The following XPOT variants were observed in gnomAD, a reference collection of about 807,000 sequenced individuals.
The protein encoded by XPOT is exportin for tRNA.
In XPOT, 34 loss-of-function variants were observed where a neutral mutation model predicts 128.2. That is an observed-to-expected ratio of 0.27 (90% CI 0.20 to 0.35). The LOEUF (loss-of-function observed/expected upper bound fraction) is 0.35, where lower values mean the gene tolerates loss of function less well. Among genes scored for constraint, XPOT ranks in the 10% least tolerant of loss-of-function variants. The pLI is 1.00. For missense variants in XPOT, 838 were observed against 1,125.3 expected (o/e 0.74, Z 3.65); for synonymous variants, 348 against 394.3 (o/e 0.88, Z 1.39).
At chr12:64,432,707 T>C (rs1330938488) in intron 18 of XPOT, among the ~76,000 whole-genome samples, 1 of 152,224 alleles carries the variant, frequency 6.6e-6, no homozygotes, top group Non-Finnish European at 1.5e-5. Flanking sequence ...ACTCAGGAGT[T>C]CATTTGTAAG....
intron 23 of XPOT, among the ~76,000 whole-genome samples, chr12:64,442,042 ACTCTTTCC>A (rs1026846347): frequency 6.7e-6 from 1 of 150,276 alleles, no homozygotes; most frequent in African/African-American, 2.5e-5. Flanking sequence ...AGTTTTATAT[ACTCTTTCC>A]CCTGTGTCAT....
intron 1 of XPOT, among the ~76,000 whole-genome samples, chr12:64,407,792 G>T (rs1381020824): frequency 1.3e-5 from 2 of 152,182 alleles, no homozygotes; most frequent in Non-Finnish European, 2.9e-5. Flanking sequence ...AAAGTGTTTG[G>T]ATCGTAATCT....
At chr12:64,429,274 G>A (rs2040217530) in intron 16 of XPOT, among the ~76,000 whole-genome samples, 1 of 152,048 alleles carries the variant, frequency 6.6e-6, no homozygotes, top group African/African-American at 2.4e-5. Flanking sequence ...TGTTCTCTCA[G>A]AGCCCCTGGT....
intron 17 of XPOT, 45 bp downstream of exon 17, chr12:64,430,332 C>CAGTGT (rs2040228809): frequency 7.1e-7 from 1 of 1,405,442 alleles, no homozygotes; most frequent in Non-Finnish European, 9.6e-7. Flanking sequence ...TGTATCTACA[C>CAGTGT]AGACAGAACC....
chr12:64,412,977 C>T (rs576117564), intron 2 of XPOT, among the ~76,000 whole-genome samples: 1 of 152,270 alleles, frequency 6.6e-6, no homozygotes, highest in South Asian at 2.1e-4. Flanking sequence ...TCTAGGAACA[C>T]CACCCTCTCA....
intron 21 of XPOT, 46 bp downstream of exon 21, chr12:64,434,955 C>T (rs755221384): frequency 6.8e-7 from 1 of 1,480,738 alleles, no homozygotes; most frequent in Admixed American, 1.9e-5. Flanking sequence ...CTCATATATT[C>T]CCAATTTCTT....
chr12:64,439,249 A>G lies in XPOT; in HGVS notation c.2739A>G (p.Pro913=). Reference sequence around the variant, plus strand: ...AAGTATCTTTTAATCTTCAGGGCCCAGAATGTGTTCAGTATCTTCAACAAG... The same window carrying G: ...AAGTATCTTTTAATCTTCAGGGCCCGGAATGTGTTCAGTATCTTCAACAAG... ...TLKTIHLKRG[P]ECVQYLQQEY... The change falls in exon 23 of 25, where the codon CCA becomes CCG. Residue 913 remains proline, a synonymous_variant. Transcript: ENST00000332707. 3 of 1,613,982 alleles carry G rather than the reference A, an allele frequency of 1.9e-6. No homozygotes were observed. Among genetic ancestry groups the G allele is most frequent in the Non-Finnish European group, 2.5e-6 (3 of 1,179,908 alleles).
chr12:64,438,074 G>A (rs2040297000), intron 22 of XPOT, among the ~76,000 whole-genome samples: 1 of 152,170 alleles, frequency 6.6e-6, no homozygotes, highest in Admixed American at 6.5e-5. Flanking sequence ...AGATTGGATG[G>A]CGTTGTTTGG....
At chr12:64,440,592 G>T (rs572402169) in intron 23 of XPOT, among the ~76,000 whole-genome samples, 7 of 152,124 alleles carry the variant, frequency 4.6e-5, no homozygotes, top group Admixed American at 6.5e-5. Flanking sequence ...GTGTAGCAGG[G>T]TTCCAGTTTT....
At chr12:64,441,955 G>A (rs778593872) in intron 23 of XPOT, among the ~76,000 whole-genome samples, 3 of 151,832 alleles carry the variant, frequency 2.0e-5, no homozygotes, top group Non-Finnish European at 4.4e-5. Flanking sequence ...CCAGGATTAC[G>A]GGCGTGAGCC....
At chr12:64,437,685 A>G (rs1252984020) in intron 22 of XPOT, among the ~76,000 whole-genome samples, 1 of 152,234 alleles carries the variant, frequency 6.6e-6, no homozygotes, top group Non-Finnish European at 1.5e-5. Flanking sequence ...ATGGGTCTGA[A>G]GCAGTTAGGA....
intron 22 of XPOT, among the ~76,000 whole-genome samples, 158 bp downstream of exon 22, chr12:64,435,832 CTT>C (rs1490341744): frequency 3.9e-5 from 6 of 152,112 alleles, no homozygotes. Context: ...ATTTATTGTC[CTT>C]CATGTTTTGG....
chr12:64,420,543 A>G (rs1339618569), intron 8 of XPOT, 22 bp downstream of exon 8: 2 of 1,584,888 alleles, frequency 1.3e-6, no homozygotes, highest in African/African-American at 1.4e-5. Context: ...TATATAAAAC[A>G]TTGTATGTAA....
Position 64,433,527 on chromosome 12 carries a change from G to A in XPOT, c.2376G>A (p.Gln792=). 6.2e-7 allele frequency: 1 copy of A among 1,613,336 alleles called. No individual in the cohort carries two copies. Among genetic ancestry groups the A allele is most frequent in the East Asian group, 2.2e-5 (1 of 44,830 alleles). ...ENDQSAALEK[Q]MLRRSYFAFL... is the part of the protein sequence containing the mutation. ...ACCAGTCTGCTGCTTTAGAGAAGCA[G>A]ATGTTGCGGAGGAGTTACTTTGCTT... Residue 792 remains glutamine, a synonymous_variant, in exon 19 of 25, where the codon CAG becomes CAA. Coordinates refer to ENST00000332707, the MANE Select transcript of XPOT (RefSeq NM_007235.6).
intron 21 of XPOT, 58 bp from the exon 22 acceptor site, chr12:64,435,569 A>T: frequency 6.8e-7 from 1 of 1,461,992 alleles, no homozygotes; most frequent in Non-Finnish European, 9.3e-7. Context: ...TAAAGAGAAG[A>T]GCTGGATCAC....
intron 15 of XPOT, among the ~76,000 whole-genome samples, chr12:64,427,412 C>T (rs144272367): frequency 1.5e-4 from 23 of 152,234 alleles, no homozygotes; most frequent in African/African-American, 4.6e-4. Flanking sequence ...TGAGCCACCG[C>T]GCCCAGCCCC....
rs368006228 is a variant in XPOT at position 64,414,895 on chromosome 12, G to C, written c.61-12G>C. ...TATTCTAAATGCATTTTTTTGTTTT[G>C]CAATCTTATAGGCCCTGGCCTATTT... On this transcript the variant is annotated splice_polypyrimidine_tract_variant and intron_variant, in intron 2 of 24. Coordinates refer to ENST00000332707, the MANE Select transcript of XPOT (RefSeq NM_007235.6). 4.4e-6 allele frequency: 7 copies of C among 1,589,074 alleles called. No individual in the cohort carries two copies. In the East Asian group the frequency reaches 1.6e-4, roughly 36 times the overall value.
At chr12:64,411,113 A>G (rs1444392667) in intron 2 of XPOT, among the ~76,000 whole-genome samples, 1 of 152,234 alleles carries the variant, frequency 6.6e-6, no homozygotes, top group African/African-American at 2.4e-5. Flanking sequence ...CAGGAAAATA[A>G]TAGGAATTGA....
intron 24 of XPOT, among the ~76,000 whole-genome samples, chr12:64,446,335 A>G (rs1434609255): frequency 6.6e-6 from 1 of 152,226 alleles, no homozygotes; most frequent in Non-Finnish European, 1.5e-5. Context: ...CTTAGTGATC[A>G]TAATTCTCAG....
Sources: gnomAD v4.1 joint callset for allele counts (sites outside exome capture counted in the v4.1 genomes callset) on GRCh38, gnomAD v4.1.1 for gene constraint, MANE v1.5 for transcripts, NCBI Gene and HGNC (gene_info 2026-07-23, HGNC 2026-07-21) for gene names.